OR2L13: variants seen among roughly 807,000 people sequenced by gnomAD.
OR2L13 encodes the protein olfactory receptor family 2 subfamily L member 13.
Under a neutral mutation model 15.3 loss-of-function variants are expected in OR2L13, and 14 were observed. The ratio of observed to expected loss-of-function variants is 0.91; its 90% confidence interval spans 0.60 to 1.43. The LOEUF (loss-of-function observed/expected upper bound fraction) is 1.43. OR2L13 is among the 40% of genes most tolerant of loss of function. The pLI is 0.00. For missense variants in OR2L13, 367 were observed against 387.9 expected (o/e 0.95, Z 0.45); for synonymous variants, 152 against 142.9 (o/e 1.06, Z -0.45).
At chr1:248,010,980 T>A in the OR2L13 span, among the ~76,000 whole-genome samples, 1 of 152,096 alleles carries the variant, frequency 6.6e-6, no homozygotes, top group African/African-American at 2.4e-5. Flanking sequence ...ATGTGTGAAT[T>A]TGATCCTGTC....
chr1:248,089,383 A>G, the OR2L13 span, among the ~76,000 whole-genome samples: 49 of 152,082 alleles, frequency 3.2e-4, 1 homozygote, highest in Admixed American at 3.1e-3. Flanking sequence ...TATAGGCATT[A>G]ATGTGGCTGT....
At chr1:248,072,619 T>C in the OR2L13 span, among the ~76,000 whole-genome samples, 1 of 151,806 alleles carries the variant, frequency 6.6e-6, no homozygotes, top group African/African-American at 2.4e-5. Flanking sequence ...AAGCCAAAAT[T>C]GACAAATGGG....
upstream of OR2L13, among the ~76,000 whole-genome samples, chr1:248,093,600 C>T (rs1382973156): frequency 6.6e-6 from 1 of 152,170 alleles, no homozygotes; most frequent in Non-Finnish European, 1.5e-5. Context: ...CAGTTTCGTA[C>T]TTCATCGTAT....
At chr1:248,084,442 G>A in the OR2L13 span, 13 of 1,585,798 alleles carry the variant, frequency 8.2e-6, no homozygotes, top group South Asian at 6.6e-5. Context: ...GTGTGGAGCC[G>A]GCCGGTCCCG....
the OR2L13 span, among the ~76,000 whole-genome samples, chr1:248,081,283 CAA>C: frequency 6.6e-6 from 1 of 152,104 alleles, no homozygotes; most frequent in East Asian, 1.9e-4. Flanking sequence ...GGTCAGATAA[CAA>C]GTCTGAAATA....
At chr1:247,940,991 G>A in the OR2L13 span, among the ~76,000 whole-genome samples, 2 of 151,938 alleles carry the variant, frequency 1.3e-5, no homozygotes, top group African/African-American at 4.8e-5. Flanking sequence ...TTGCATTTCT[G>A]TGATGATTAG....
chr1:248,066,973 C>T, the OR2L13 span, among the ~76,000 whole-genome samples: 14 of 152,184 alleles, frequency 9.2e-5, no homozygotes, highest in African/African-American at 3.4e-4. Flanking sequence ...CAAGCATCTA[C>T]AATTTGCAGG....
chr1:248,087,671 G>A, the OR2L13 span: 1 of 152,190 alleles, frequency 6.6e-6, no homozygotes, highest in African/African-American at 2.4e-5. Context: ...TATCTTCCCT[G>A]GAGCTATGCC....
chr1:248,003,462 C>T, the OR2L13 span: 4 of 1,608,232 alleles, frequency 2.5e-6, no homozygotes, highest in South Asian at 1.1e-5. Context: ...GTTGTAGAAG[C>T]GCTACTCCTG....
the OR2L13 span, among the ~76,000 whole-genome samples, chr1:247,954,808 A>C: frequency 1.3e-5 from 2 of 152,134 alleles, no homozygotes; most frequent in Non-Finnish European, 2.9e-5. Flanking sequence ...ATACGACTTG[A>C]AAATTGCTAG....
the OR2L13 span, among the ~76,000 whole-genome samples, chr1:248,066,240 T>G: frequency 6.6e-6 from 1 of 152,220 alleles, no homozygotes. Context: ...CATGTACATG[T>G]AAAATGAATA....
chr1:248,068,928 A>G, the OR2L13 span, among the ~76,000 whole-genome samples: 3 of 152,302 alleles, frequency 2.0e-5, no homozygotes, highest in South Asian at 6.2e-4. Context: ...TAGAGAAAAA[A>G]GAATAAAAAG....
At chr1:248,007,262 G>T in the OR2L13 span, among the ~76,000 whole-genome samples, 1 of 152,176 alleles carries the variant, frequency 6.6e-6, no homozygotes, top group African/African-American at 2.4e-5. Context: ...TATAGGCAAT[G>T]GTGATCCTAT....
At chr1:248,093,751 T>A (rs1002278702), upstream of OR2L13, among the ~76,000 whole-genome samples, 1 of 152,182 alleles carries the variant, frequency 6.6e-6, no homozygotes, top group African/African-American at 2.4e-5. Context: ...TATTTTTTTT[T>A]ATGGTTGAAT....
chr1:248,063,054 T>C, the OR2L13 span: 2 of 152,250 alleles, frequency 1.3e-5, no homozygotes, highest in Admixed American at 1.3e-4. Context: ...TTTCTTTTTA[T>C]TCTACAGTGC....
At chr1:247,981,953 C>T in the OR2L13 span, among the ~76,000 whole-genome samples, 2 of 151,762 alleles carry the variant, frequency 1.3e-5, no homozygotes, top group African/African-American at 2.4e-5. Context: ...GTAGCTGGGA[C>T]TGCAGGCTCC....
the OR2L13 span, among the ~76,000 whole-genome samples, chr1:248,085,678 G>T: frequency 5.9e-5 from 9 of 152,060 alleles, no homozygotes; most frequent in Non-Finnish European, 5.9e-5. Flanking sequence ...ACATTATAAG[G>T]AGAAAGTTAT....
At chr1:247,975,335 T>C in the OR2L13 span, 1 of 528,150 alleles carries the variant, frequency 1.9e-6, no homozygotes. Context: ...ACAACCCTCT[T>C]TCTCATGTTT....
the OR2L13 span, among the ~76,000 whole-genome samples, chr1:248,088,887 A>T: frequency 2.7e-5 from 4 of 150,756 alleles, no homozygotes; most frequent in South Asian, 2.1e-4. Flanking sequence ...AAAATAATGA[A>T]TTTTTTTTTT....
Sources: allele counts gnomAD v4.1 joint callset (sites outside exome capture counted in the v4.1 genomes callset), GRCh38; gene constraint gnomAD v4.1.1; transcripts MANE v1.5; gene names NCBI Gene and HGNC (gene_info 2026-07-23, HGNC 2026-07-21).